The following ETV6 variants were observed in gnomAD, a reference collection of about 807,000 sequenced individuals.
ETV6 encodes transcription factor ETV6.
Under a neutral mutation model 51.1 loss-of-function variants are expected in ETV6, and 16 were observed. That is an observed-to-expected ratio of 0.31 (90% CI 0.21 to 0.48). The LOEUF is 0.48. Among genes scored for constraint, ETV6 ranks in the 20% least tolerant of loss-of-function variants. ETV6 has a pLI of 0.99. For missense variants in ETV6, 458 were observed against 594.8 expected (o/e 0.77, Z 2.39); for synonymous variants, 240 against 224.1 (o/e 1.07, Z -0.64).
chr12:11,853,364 C>G, intron 3 of ETV6, 63 bp from the exon 4 acceptor site: 3 of 1,601,638 alleles, frequency 1.9e-6, no homozygotes, highest in South Asian at 1.1e-5. Flanking sequence ...GCTGCTGCTC[C>G]GTAGATCGTT....
At chr12:11,868,582 C>T (rs917541937) in intron 4 of ETV6, among the ~76,000 whole-genome samples, 15 of 151,452 alleles carry the variant, frequency 9.9e-5, no homozygotes, top group African/African-American at 2.9e-4. Flanking sequence ...GGATTACAGG[C>T]GGGAGCCACC....
intron 1 of ETV6, among the ~76,000 whole-genome samples, chr12:11,669,389 C>CCCTCCCTCCCTCCTTT (rs1555112301): frequency 7.2e-6 from 1 of 138,716 alleles, no homozygotes; most frequent in African/African-American, 2.6e-5. Flanking sequence ...CTCCCTCCCT[C>CCCTCCCTCCCTCCTTT]CCTCCTTTCC....
intron 5 of ETV6, among the ~76,000 whole-genome samples, chr12:11,878,901 A>G (rs1947041073): frequency 6.6e-6 from 1 of 150,782 alleles, no homozygotes; most frequent in African/African-American, 2.4e-5. Context: ...AGGGTTTCTC[A>G]ACACTCTCGA....
intron 5 of ETV6, among the ~76,000 whole-genome samples, chr12:11,878,104 C>T (rs1017897834): frequency 2.0e-5 from 3 of 152,150 alleles, no homozygotes; most frequent in Admixed American, 2.0e-4. Flanking sequence ...CTCCCTGAAG[C>T]TTTGCCTGCT....
chr12:11,887,929 CTG>C (rs1947223332), intron 7 of ETV6, among the ~76,000 whole-genome samples: 1 of 152,138 alleles, frequency 6.6e-6, no homozygotes, highest in Admixed American at 6.5e-5. Context: ...CCACTCTATT[CTG>C]TGTTGCAGGG....
chr12:11,776,724 A>T (rs1361114454), intron 2 of ETV6, among the ~76,000 whole-genome samples: 1 of 148,048 alleles, frequency 6.8e-6, no homozygotes, highest in Non-Finnish European at 1.5e-5. Flanking sequence ...AGTGAGCATA[A>T]CTTTTATGGA....
chr12:11,881,052 C>A (rs1305753273), intron 5 of ETV6, among the ~76,000 whole-genome samples: 1 of 152,180 alleles, frequency 6.6e-6, no homozygotes, highest in African/African-American at 2.4e-5. Flanking sequence ...ATTCTCCCAC[C>A]TCAGCCTCCC....
At chr12:11,694,745 T>A (rs1864842149) in intron 1 of ETV6, among the ~76,000 whole-genome samples, 2 of 152,234 alleles carry the variant, frequency 1.3e-5, no homozygotes, top group Admixed American at 1.3e-4. Flanking sequence ...TGTACTTTTG[T>A]GTGTGTTTGT....
At chr12:11,674,731 G>A (rs1864384488) in intron 1 of ETV6, among the ~76,000 whole-genome samples, 1 of 151,312 alleles carries the variant, frequency 6.6e-6, no homozygotes, top group Admixed American at 6.6e-5. Flanking sequence ...CTGTTTTCCA[G>A]GAAAGCATGA....
chr12:11,725,414 T>C (rs1865470178), intron 1 of ETV6, among the ~76,000 whole-genome samples: 1 of 152,182 alleles, frequency 6.6e-6, no homozygotes, highest in African/African-American at 2.4e-5. Context: ...GGAGTTCCCT[T>C]TTTAACCTGC....
At chr12:11,785,209 A>G (rs61921815) in intron 2 of ETV6, among the ~76,000 whole-genome samples, 2,221 of 152,212 alleles carry the variant, frequency 0.015, 25 homozygotes, top group Non-Finnish European at 0.02. Context: ...GGCAGGCCGT[A>G]CCAAGCATGT....
intron 2 of ETV6, among the ~76,000 whole-genome samples, chr12:11,816,300 A>G (rs1945992564): frequency 6.6e-6 from 1 of 152,214 alleles, no homozygotes; most frequent in Admixed American, 6.5e-5. Flanking sequence ...GCTGGAGTGC[A>G]ATGGCGCCGT....
chr12:11,871,658 G>A (rs1029241968), intron 5 of ETV6, among the ~76,000 whole-genome samples: 1 of 152,172 alleles, frequency 6.6e-6, no homozygotes, highest in Non-Finnish European at 1.5e-5. Flanking sequence ...TAAAAACTAT[G>A]AAAAAGGAAA....
intron 2 of ETV6, among the ~76,000 whole-genome samples, chr12:11,828,605 T>C (rs1431207190): frequency 6.6e-6 from 1 of 152,214 alleles, no homozygotes; most frequent in East Asian, 1.9e-4. Flanking sequence ...ATGGATAAAC[T>C]TGAGGTAGTC....
chr12:11,849,815 C>T (rs557627538), intron 3 of ETV6, among the ~76,000 whole-genome samples: 45 of 152,190 alleles, frequency 3.0e-4, no homozygotes, highest in Non-Finnish European at 4.7e-4. Flanking sequence ...TCTAGGAAAC[C>T]TCTAGAATCC....
intron 1 of ETV6, among the ~76,000 whole-genome samples, chr12:11,727,111 G>A (rs1455592443): frequency 1.3e-5 from 2 of 152,224 alleles, no homozygotes; most frequent in Admixed American, 6.5e-5. Context: ...GTGGGGGTAG[G>A]TGAACTACGG....
intron 1 of ETV6, among the ~76,000 whole-genome samples, chr12:11,722,400 T>C (rs1218433102): frequency 1.3e-5 from 2 of 152,156 alleles, no homozygotes; most frequent in African/African-American, 2.4e-5. Flanking sequence ...CAGTAAAATG[T>C]AGAGATACAT....
intron 1 of ETV6, 42 bp downstream of exon 1, chr12:11,650,202 A>G: frequency 6.4e-7 from 1 of 1,562,766 alleles, no homozygotes; most frequent in Non-Finnish European, 8.8e-7. Context: ...GGAAACCCTG[A>G]GCTGCACCGG....
intron 1 of ETV6, among the ~76,000 whole-genome samples, chr12:11,655,003 C>T (rs2120611747): frequency 6.6e-6 from 1 of 152,290 alleles, no homozygotes; most frequent in Middle Eastern, 3.4e-3. Context: ...GCACCAGAGG[C>T]AGGTAGAGCT....
Sources: allele counts gnomAD v4.1 joint callset (sites outside exome capture counted in the v4.1 genomes callset), GRCh38; gene constraint gnomAD v4.1.1; transcripts MANE v1.5; gene names NCBI Gene and HGNC (gene_info 2026-07-23, HGNC 2026-07-21).